Variants in JMJD1C observed in about 807,000 individuals in gnomAD.
JMJD1C encodes the protein jumonji domain-containing protein 1C.
In JMJD1C, 31 loss-of-function variants were observed where a neutral mutation model predicts 245.3. That is an observed-to-expected ratio of 0.13 (90% CI 0.09 to 0.17). JMJD1C has a LOEUF of 0.17. JMJD1C is among the 10% of genes least tolerant of loss of function. The pLI, the probability that JMJD1C is intolerant of heterozygous loss-of-function variation, is 1.00. For synonymous variants in JMJD1C, 1,057 were observed against 1,017.4 expected, an observed-to-expected ratio of 1.04 and a Z score of -0.74; for missense variants, 2,691 against 3,000.2, an observed-to-expected ratio of 0.90 and a Z score of 2.41.
At chr10:63,424,518 T>C (rs895249837) in intron 1 of JMJD1C, among the ~76,000 whole-genome samples, 5 of 147,318 alleles carry the variant, frequency 3.4e-5, no homozygotes, top group Admixed American at 6.7e-5. Flanking sequence ...TTTTTTTTTT[T>C]CTTTTTGAGA....
At position 63,207,960 on chromosome 10, in the gene JMJD1C, G is replaced by T. The variant is rs1846852215; in HGVS notation, c.3709C>A (p.Pro1237Thr). The change falls in exon 10 of 26, where the codon CCA (proline) becomes ACA (threonine). Residue 1237 changes from proline (P) to threonine (T), a missense_variant. Around this residue, in one of 9 missense-constraint regions of JMJD1C, gnomAD observed 1,562 missense variants for 1,490.7 expected, o/e 1.05. Transcript: ENST00000399262. ...TGAACTTTACCACCAGCATTTACTG[G>T]CATCACCGGAGTTAAAGTTGGAGGG... ...LSPPTLTPVM[P>T]VNAGGKVQES... 1.2e-6 allele frequency: 2 copies of T among 1,614,052 alleles called. No homozygotes were observed. The highest frequency in any genetic ancestry group is 1.7e-6 in the Non-Finnish European group (2 of 1,180,020).
At chr10:63,201,712 C>G (rs1463013095) in intron 10 of JMJD1C, among the ~76,000 whole-genome samples, 1 of 151,772 alleles carries the variant, frequency 6.6e-6, no homozygotes, top group African/African-American at 2.4e-5. Flanking sequence ...GGCGGATCAC[C>G]TGAGGTCGGG....
intron 17 of JMJD1C, 55 bp downstream of exon 17, chr10:63,190,839 C>A: frequency 2.1e-6 from 3 of 1,422,770 alleles, no homozygotes; most frequent in Non-Finnish European, 3.0e-6. Context: ...AACTAAGTCT[C>A]CAAATCATCT....
chr10:63,206,522 T>C, intron 10 of JMJD1C, 73 bp downstream of exon 10: 4 of 1,233,204 alleles, frequency 3.2e-6, no homozygotes, highest in Non-Finnish European at 3.4e-6. Flanking sequence ...TCACTGATCT[T>C]TAAAGCAGCA....
intron 1 of JMJD1C, among the ~76,000 whole-genome samples, chr10:63,474,715 G>A (rs2133163407): frequency 6.6e-6 from 1 of 152,244 alleles, no homozygotes; most frequent in East Asian, 1.9e-4. Flanking sequence ...CTCCCAAAGT[G>A]CTGGGACTGC....
chr10:63,437,840 C>T lies in JMJD1C; in HGVS notation c.168+27655G>A, dbSNP rs545791665. On this transcript the variant is annotated intron_variant, in intron 1 of 25. Coordinates refer to ENST00000399262, the MANE Select transcript of JMJD1C (RefSeq NM_032776.3). ...TTCACTAAGCAGCATTTGACACAAC[C>T]AGTAATCCCTCCTCTTCGAAACACT... Among the ~76,000 whole-genome samples, 4 of 152,280 alleles carry T rather than the reference C, an allele frequency of 2.6e-5. No individual in the cohort carries two copies. The East Asian group carries it at 7.7e-4, about 29-fold the overall frequency.
chr10:63,451,641 G>A (rs574367726), intron 1 of JMJD1C, among the ~76,000 whole-genome samples: 1 of 152,272 alleles, frequency 6.6e-6, no homozygotes, highest in Non-Finnish European at 1.5e-5. Context: ...TATACAGAAA[G>A]AAGTATGTAG....
rs61130615 is a variant in JMJD1C at position 63,398,645 on chromosome 10, ATTTT to A, written c.169-18167_169-18164del. On this transcript the variant is annotated intron_variant, in intron 1 of 25. Coordinates refer to ENST00000399262, the MANE Select transcript of JMJD1C (RefSeq NM_032776.3). ...TTCATCATTTACTATCTGAAAAAAAATTTTTTTTTTTTTTTTGAGACAGACTCTC... is the reference window on the plus strand; with the variant it reads ...TTCATCATTTACTATCTGAAAAAAAATTTTTTTTTTTTGAGACAGACTCTC... 8.3e-4 allele frequency among the ~76,000 whole-genome samples: 102 copies of A among 122,592 alleles called. 1 individual carries two copies. The highest frequency in any genetic ancestry group is 2.2e-3 in the African/African-American group (75 of 34,496). The allele number at this position is 122,592 out of a possible 152,430, so 80.4% of individuals were successfully genotyped here.
chr10:63,494,053 A>G (rs111655064), intron 1 of JMJD1C, among the ~76,000 whole-genome samples: 57 of 152,268 alleles, frequency 3.7e-4, no homozygotes, highest in African/African-American at 1.3e-3. Context: ...GCTCATGCCT[A>G]TAATCCCAGC....
intron 1 of JMJD1C, among the ~76,000 whole-genome samples, chr10:63,496,123 G>A (rs1256883984): frequency 6.7e-6 from 1 of 150,204 alleles, no homozygotes; most frequent in Admixed American, 6.6e-5. Flanking sequence ...AGGAAACATA[G>A]GAAAAGAAGA....
chr10:63,352,887 G>C (rs192920542), intron 2 of JMJD1C, among the ~76,000 whole-genome samples: 8 of 152,210 alleles, frequency 5.3e-5, no homozygotes, highest in South Asian at 4.2e-4. Flanking sequence ...TTCAGGACTT[G>C]AGTATGTGTG....
At chr10:63,507,993 T>C (rs1299254480) in intron 1 of JMJD1C, among the ~76,000 whole-genome samples, 2 of 152,218 alleles carry the variant, frequency 1.3e-5, no homozygotes, top group African/African-American at 2.4e-5. Flanking sequence ...AATATATCTT[T>C]TGCAAATATT....
intron 1 of JMJD1C, among the ~76,000 whole-genome samples, chr10:63,451,303 G>A (rs1231284157): frequency 1.3e-5 from 2 of 151,988 alleles, no homozygotes; most frequent in Non-Finnish European, 2.9e-5. Context: ...GGAATCGCAG[G>A]GGACCCTTAA....
chr10:63,332,394 G>A (rs1942253346), intron 2 of JMJD1C, among the ~76,000 whole-genome samples: 1 of 152,190 alleles, frequency 6.6e-6, no homozygotes, highest in Non-Finnish European at 1.5e-5. Context: ...GACATCTCAA[G>A]CACCATATCA....
At chr10:63,345,128 T>A (rs766906108) in intron 2 of JMJD1C, among the ~76,000 whole-genome samples, 26 of 152,218 alleles carry the variant, frequency 1.7e-4, no homozygotes, top group Admixed American at 5.2e-4. Context: ...AGAATGGGTA[T>A]CTGTTAGCGG....
At position 63,167,836 on chromosome 10, in the gene JMJD1C, T is replaced by C. The variant is rs959393392; in HGVS notation, c.*209A>G. 2.0e-6 allele frequency: 1 copy of C among 494,840 alleles called. No homozygotes were observed. The highest frequency in any genetic ancestry group is 1.9e-5 in the African/African-American group (1 of 52,438). The allele number at this position is 494,840 out of a possible 1,614,324, so 30.7% of individuals were successfully genotyped here. ...ATACAAAACAGCTATATAGTGCTGC[T>C]TTTAAAATTCTGCTTGTTTTATAAC... On this transcript the variant is annotated 3_prime_UTR_variant, in exon 26 of 26. Transcript: ENST00000399262.
intron 2 of JMJD1C, among the ~76,000 whole-genome samples, chr10:63,279,597 T>C (rs1380406790): frequency 6.6e-6 from 1 of 152,196 alleles, no homozygotes; most frequent in African/African-American, 2.4e-5. Flanking sequence ...AGACCATCTC[T>C]ACAACAAAAA....
At chr10:63,344,514 A>G (rs1943644001) in intron 2 of JMJD1C, among the ~76,000 whole-genome samples, 1 of 152,198 alleles carries the variant, frequency 6.6e-6, no homozygotes, top group Non-Finnish European at 1.5e-5. Flanking sequence ...GAGAACTGAA[A>G]AAAACCTTTG....
At chr10:63,503,903 T>C (rs1954638276) in intron 1 of JMJD1C, among the ~76,000 whole-genome samples, 1 of 152,160 alleles carries the variant, frequency 6.6e-6, no homozygotes, top group Non-Finnish European at 1.5e-5. Context: ...GTGGATCATT[T>C]TGATAGATTA....
Sources: allele counts gnomAD v4.1 joint callset (sites outside exome capture counted in the v4.1 genomes callset), GRCh38; gene constraint gnomAD v4.1.1; regional missense constraint gnomAD v4.1.1; transcripts MANE v1.5; gene names NCBI Gene and HGNC (gene_info 2026-07-23, HGNC 2026-07-21).